Variants in KAT2B observed in about 807,000 individuals in gnomAD.
KAT2B encodes the protein lysine acetyltransferase 2B, also known as histone acetyltransferase KAT2B.
KAT2B carries 36 observed loss-of-function variants against 105.9 expected under a neutral mutation model. The ratio of observed to expected loss-of-function variants is 0.34; its 90% CI spans 0.26 to 0.45. The LOEUF (loss-of-function observed/expected upper bound fraction) is 0.45, where lower values mean the gene tolerates loss of function less well. Ranked by LOEUF, KAT2B falls within the 20% of genes least tolerant of loss-of-function variation. KAT2B has a pLI of 1.00. For synonymous variants in KAT2B, 397 were observed against 377.9 expected, an observed-to-expected ratio of 1.05 and a Z score of -0.59; for missense variants, 820 against 1,021.6, an observed-to-expected ratio of 0.80 and a Z score of 2.69.
intron 13 of KAT2B, among the ~76,000 whole-genome samples, chr3:20,142,996 C>T (rs1447294874): frequency 6.6e-6 from 1 of 151,782 alleles, no homozygotes; most frequent in Non-Finnish European, 1.5e-5. Context: ...TGTGACAATA[C>T]AAGGAATTGG....
chr3:20,137,071 A>G lies in KAT2B; in HGVS notation c.1860+19A>G. The G allele has an allele frequency of 2.5e-6, 3 of 1,196,332 alleles. No homozygotes were observed. The highest frequency in any genetic ancestry group is 1.9e-4 in the Middle Eastern group (1 of 5,246). 74.1% of individuals were successfully genotyped at this position (1,196,332 alleles called of 1,614,324 possible). A position where few individuals can be genotyped will look rare whatever the true frequency, so the allele number is the denominator to read the frequency against. On this transcript the variant is annotated intron_variant, in intron 12 of 17. Transcript: ENST00000263754. ...GAAACAGGTTGGTTTCTCACCACGC[A>G]ACACTGTTTTGTCACTCCTTTTCTT...
In KAT2B at chr3:20,066,133, C is replaced by G. The variant is rs550171226; in HGVS notation, c.304-6200C>G. Among the ~76,000 whole-genome samples the G allele has an allele frequency of 9.5e-4, 145 of 152,148 alleles. 1 individual carries two copies. The highest frequency in any genetic ancestry group is 3.0e-3 in the African/African-American group (124 of 41,508). The stretch of plus-strand genomic sequence containing the variant: ...TGCCTCTTCCTAGCATCTGGTGGTG[C>G]TTGGCAATCCTTGGCATTCTTTGGC... On this transcript the variant is annotated intron_variant, in intron 1 of 17. Coordinates refer to ENST00000263754, the MANE Select transcript of KAT2B (RefSeq NM_003884.5).
chr3:20,042,298 CA>C (rs746507398), intron 1 of KAT2B, among the ~76,000 whole-genome samples: 2 of 151,962 alleles, frequency 1.3e-5, no homozygotes, highest in African/African-American at 4.8e-5. Flanking sequence ...AGAAGGAATG[CA>C]AAAAAGATGA....
intron 1 of KAT2B, among the ~76,000 whole-genome samples, chr3:20,062,862 T>C (rs4858751): frequency 0.17 from 26,541 of 152,074 alleles, 3,033 homozygotes; most frequent in Non-Finnish European, 0.26. Flanking sequence ...CTTTGCCCAT[T>C]GTAAAATTTC....
chr3:20,136,056 G>C (rs1349783595), intron 11 of KAT2B, among the ~76,000 whole-genome samples: 2 of 152,178 alleles, frequency 1.3e-5, no homozygotes, highest in Non-Finnish European at 2.9e-5. Context: ...GGGTTAGATA[G>C]AATGACTTCC....
intron 2 of KAT2B, among the ~76,000 whole-genome samples, chr3:20,085,535 C>T: frequency 7.0e-6 from 1 of 143,008 alleles, no homozygotes; most frequent in Middle Eastern, 3.7e-3. Flanking sequence ...TTGCAGGGGG[C>T]AGAGTCTTGC....
intron 1 of KAT2B, among the ~76,000 whole-genome samples, chr3:20,053,026 CT>C (rs1283785796): frequency 1.3e-5 from 2 of 152,064 alleles, no homozygotes; most frequent in Non-Finnish European, 2.9e-5. Context: ...TAGTAGCTAG[CT>C]TTGTGGTCTG....
At chr3:20,132,388 T>C (rs1423502098) in intron 11 of KAT2B, among the ~76,000 whole-genome samples, 1 of 152,108 alleles carries the variant, frequency 6.6e-6, no homozygotes, top group Non-Finnish European at 1.5e-5. Context: ...GAAAAAAATA[T>C]TGAATTTGAT....
chr3:20,148,706 GC>G (rs1466418515), intron 17 of KAT2B: 1 of 450,388 alleles, frequency 2.2e-6, no homozygotes, highest in Middle Eastern at 5.7e-4. Context: ...GCCCACATGA[GC>G]TTAACGACAC....
chr3:20,127,126 G>A (rs1315547286), intron 10 of KAT2B, among the ~76,000 whole-genome samples: 2 of 152,178 alleles, frequency 1.3e-5, no homozygotes, highest in Non-Finnish European at 2.9e-5. Flanking sequence ...GGCACTGGCT[G>A]TGCCAGTTCC....
intron 2 of KAT2B, among the ~76,000 whole-genome samples, chr3:20,076,171 A>G (rs2125183740): frequency 1.3e-5 from 2 of 152,296 alleles, no homozygotes; most frequent in South Asian, 4.1e-4. Context: ...CAAGGGTTTT[A>G]AGAGCTTGTG....
intron 2 of KAT2B, among the ~76,000 whole-genome samples, chr3:20,074,592 C>T (rs1698385545): frequency 6.6e-6 from 1 of 152,156 alleles, no homozygotes; most frequent in Admixed American, 6.6e-5. Context: ...TTTTACTTCA[C>T]ACAGCAGATA....
At chr3:20,042,933 T>C (rs1184352906) in intron 1 of KAT2B, among the ~76,000 whole-genome samples, 2 of 151,566 alleles carry the variant, frequency 1.3e-5, no homozygotes, top group African/African-American at 4.9e-5. Context: ...AGGGTCTCAC[T>C]CTGCCACGTA....
In KAT2B at chr3:20,056,024, C is replaced by G. The variant is rs149867259; in HGVS notation, c.303+15244C>G. On this transcript the variant is annotated intron_variant, in intron 1 of 17. Transcript: ENST00000263754. ...TGTATGGACGTACTAGTTTGTTTATCTGTTGACTTGTTATGGACATCTGGG... is the reference window on the plus strand; with the variant it reads ...TGTATGGACGTACTAGTTTGTTTATGTGTTGACTTGTTATGGACATCTGGG... Among the ~76,000 whole-genome samples the G allele has an allele frequency of 2.1e-3, 321 of 152,278 alleles. 1 individual carries two copies. Among genetic ancestry groups the G allele is most frequent in the African/African-American group, 7.4e-3 (306 of 41,560 alleles).
chr3:20,124,665 T>A (rs1028364837), intron 9 of KAT2B, among the ~76,000 whole-genome samples: 28 of 152,212 alleles, frequency 1.8e-4, no homozygotes, highest in African/African-American at 6.3e-4. Flanking sequence ...TTTGAAAATA[T>A]TTTGGATATA....
chr3:20,053,725 G>A (rs1404736362), intron 1 of KAT2B, among the ~76,000 whole-genome samples: 4 of 152,038 alleles, frequency 2.6e-5, no homozygotes, highest in African/African-American at 7.2e-5. Context: ...TTACTTTGTG[G>A]CCCACTTTAA....
intron 5 of KAT2B, among the ~76,000 whole-genome samples, chr3:20,111,270 G>C (rs1699116114): frequency 6.6e-6 from 1 of 152,158 alleles, no homozygotes; most frequent in Non-Finnish European, 1.5e-5. Flanking sequence ...GGAAGGAAAG[G>C]CTAAATAGCG....
intron 3 of KAT2B, 89 bp downstream of exon 3, chr3:20,095,497 A>T: frequency 1.2e-6 from 1 of 804,528 alleles, no homozygotes; most frequent in Non-Finnish European, 2.0e-6. Context: ...GAAGGCTTTC[A>T]GCTCCTGGTA....
In KAT2B at chr3:20,109,792, C is replaced by T. The variant is rs142439876; in HGVS notation, c.852-1804C>T. On this transcript the variant is annotated intron_variant, in intron 5 of 17. Transcript: ENST00000263754. ...TGTTTCAGACAAAAGACAACATTAACACTTAAGATACCCATTTCAGTATTG... is the reference window on the plus strand; with the variant it reads ...TGTTTCAGACAAAAGACAACATTAATACTTAAGATACCCATTTCAGTATTG... 2.4e-3 allele frequency among the ~76,000 whole-genome samples: 371 copies of T among 152,230 alleles called. 3 individuals are homozygous for T. The highest frequency in any genetic ancestry group is 8.4e-3 in the African/African-American group (347 of 41,554).
Sources: allele counts gnomAD v4.1 joint callset (sites outside exome capture counted in the v4.1 genomes callset), GRCh38; gene constraint gnomAD v4.1.1; transcripts MANE v1.5; gene names NCBI Gene and HGNC (gene_info 2026-07-23, HGNC 2026-07-21).